SLC25A36: variants seen among roughly 807,000 people sequenced by gnomAD.
SLC25A36 encodes epididymis secretory sperm binding protein.
A neutral mutation model predicts 35.3 loss-of-function variants in SLC25A36; 24 were observed. The observed-to-expected ratio is 0.68, with a 90% CI of 0.49 to 0.96. The LOEUF is 0.96. Among genes scored for constraint, SLC25A36 ranks in the 40% least tolerant of loss-of-function variants. The pLI is 0.00. For missense variants in SLC25A36, 294 were observed against 381.1 expected, an observed-to-expected ratio of 0.77 and a Z score of 1.90; for synonymous variants, 141 against 132.2, an observed-to-expected ratio of 1.07 and a Z score of -0.46.
chr3:140,980,575 G>C lies in SLC25A36; in HGVS notation c.*4122G>C, dbSNP rs1935156944. ...AAGTTGTGTGTGTGTGTTTATTACT[G>C]AACATTGGGAGCCGTGATAGGGAAG... On this transcript the variant is annotated 3_prime_UTR_variant, in exon 7 of 7. Transcript: ENST00000324194. 6.6e-6 allele frequency among the ~76,000 whole-genome samples: 1 copy of C among 152,074 alleles called. No homozygotes were observed. The highest frequency in any genetic ancestry group is 6.5e-5 in the Admixed American group (1 of 15,268).
intron 3 of SLC25A36, among the ~76,000 whole-genome samples, chr3:140,961,855 CAAAAAAAAAAAAA>C (rs553759457): frequency 5.3e-4 from 19 of 35,840 alleles, no homozygotes; most frequent in East Asian, 2.0e-3. Flanking sequence ...GGCTCCGTCT[CAAAAAAAAAAAAA>C]AAAAAAAAAA....
At chr3:140,947,286 GT>G in intron 1 of SLC25A36, among the ~76,000 whole-genome samples, 1 of 152,074 alleles carries the variant, frequency 6.6e-6, no homozygotes, top group Non-Finnish European at 1.5e-5. Flanking sequence ...CAGTTTTAAG[GT>G]TTGCTGTAAA....
chr3:140,962,358 TAATTC>T (rs1347558397), intron 3 of SLC25A36, among the ~76,000 whole-genome samples: 1 of 152,154 alleles, frequency 6.6e-6, no homozygotes, highest in East Asian at 1.9e-4. Flanking sequence ...AGCAAGCAAA[TAATTC>T]AAAGCATGGG....
chr3:140,946,666 A>G (rs1198822452), intron 1 of SLC25A36, among the ~76,000 whole-genome samples: 1 of 152,198 alleles, frequency 6.6e-6, no homozygotes, highest in East Asian at 1.9e-4. Flanking sequence ...AGCGAAGAAT[A>G]ACTCCAGGGT....
intron 1 of SLC25A36, among the ~76,000 whole-genome samples, chr3:140,950,883 C>CGT (rs531377561): frequency 0.016 from 2,363 of 144,126 alleles, 74 homozygotes; most frequent in African/African-American, 0.062. Context: ...TTTTATCCAG[C>CGT]GTGTGTGTGT....
At chr3:140,958,145 C>G (rs899258208) in intron 2 of SLC25A36, among the ~76,000 whole-genome samples, 5 of 152,166 alleles carry the variant, frequency 3.3e-5, no homozygotes, top group Non-Finnish European at 7.3e-5. Context: ...AGTCTGGCTA[C>G]TCAGTTCAGG....
At chr3:140,963,325 G>A (rs1934678927) in intron 4 of SLC25A36, 98 bp downstream of exon 4, 16 of 737,472 alleles carry the variant, frequency 2.2e-5, no homozygotes, top group Non-Finnish European at 2.8e-5. Context: ...TGATTAATGT[G>A]CTTTTCATTG....
intron 2 of SLC25A36, 102 bp downstream of exon 2, chr3:140,956,793 A>G (rs1934491952): frequency 6.9e-7 from 1 of 1,442,304 alleles, no homozygotes; most frequent in African/African-American, 1.4e-5. Flanking sequence ...GATTTTTTAT[A>G]AACCTATTTA....
At chr3:140,969,100 G>A (rs1329546755) in intron 4 of SLC25A36, among the ~76,000 whole-genome samples, 1 of 151,718 alleles carries the variant, frequency 6.6e-6, no homozygotes, top group Non-Finnish European at 1.5e-5. Flanking sequence ...ATTGGAGTTT[G>A]ACCAGAATAT....
chr3:140,958,269 C>T (rs1465669253), intron 2 of SLC25A36, among the ~76,000 whole-genome samples: 1 of 152,192 alleles, frequency 6.6e-6, no homozygotes, highest in African/African-American at 2.4e-5. Flanking sequence ...ACCTACTCTT[C>T]AGTTTCTATT....
At chr3:140,972,123 T>C (rs1333237505) in intron 5 of SLC25A36, among the ~76,000 whole-genome samples, 1 of 152,222 alleles carries the variant, frequency 6.6e-6, no homozygotes, top group African/African-American at 2.4e-5. Context: ...TAAGACTTAT[T>C]CCAAAGATTA....
Position 140,979,242 on chromosome 3 carries a change from C to T in SLC25A36, c.*2789C>T, listed in dbSNP as rs1165629848. Reference sequence around the variant, plus strand: ...GATAGCATTACTATGTTAGGACCAGCAGAGTTTGGGTTGGTAAAAATAATG... The same window carrying T: ...GATAGCATTACTATGTTAGGACCAGTAGAGTTTGGGTTGGTAAAAATAATG... On this transcript the variant is annotated 3_prime_UTR_variant, in exon 7 of 7. Coordinates refer to ENST00000324194, the MANE Select transcript of SLC25A36 (RefSeq NM_001104647.3). The T allele has an allele frequency of 6.6e-6, 1 of 152,134 alleles. No homozygotes were observed. Among genetic ancestry groups the T allele is most frequent in the African/African-American group, 2.4e-5 (1 of 41,440 alleles). 9.4% of individuals were successfully genotyped at this position (152,134 alleles called of 1,614,324 possible).
chr3:140,959,479 G>T lies in SLC25A36; in HGVS notation c.223G>T (p.Glu75Ter). Residue 75 changes from glutamate (E) to a stop codon, truncating the protein, a stop_gained, in exon 3 of 7, where the codon GAA becomes TAA. Coordinates refer to ENST00000324194, the MANE Select transcript of SLC25A36 (RefSeq NM_001104647.3). LOFTEE classifies it high-confidence loss of function. Reference protein sequence around the residue: ...LHCLKVILEKEGPRSLFRGLG... With the variant: ...LHCLKVILEK ...CTCTTTCAGGGTGATCTTGGAAAAA[G>T]AAGGGCCTCGTTCCTTGTTTAGAGG... The T allele has an allele frequency of 6.6e-7, 1 of 1,522,422 alleles. No individual in the cohort carries two copies. The highest frequency in any genetic ancestry group is 8.7e-7 in the Non-Finnish European group (1 of 1,143,216). 94.3% of individuals were successfully genotyped at this position (1,522,422 alleles called of 1,614,324 possible).
At chr3:140,953,321 G>A (rs1365518347) in intron 1 of SLC25A36, among the ~76,000 whole-genome samples, 2 of 150,036 alleles carry the variant, frequency 1.3e-5, no homozygotes, top group East Asian at 4.0e-4. Context: ...TTTTGTTTCA[G>A]ATTTGCTATA....
intron 5 of SLC25A36, 140 bp downstream of exon 5, chr3:140,971,133 G>T: frequency 1.8e-6 from 1 of 543,228 alleles, no homozygotes. Context: ...TCAGAAAAAA[G>T]ATAATGTAAG....
chr3:140,966,901 G>A (rs1298204356), intron 4 of SLC25A36: 1 of 456,080 alleles, frequency 2.2e-6, no homozygotes, highest in South Asian at 1.5e-5. Flanking sequence ...ACTGCTTGTT[G>A]TTATGATACA....
At chr3:140,946,923 G>C (rs1934181455) in intron 1 of SLC25A36, among the ~76,000 whole-genome samples, 1 of 152,120 alleles carries the variant, frequency 6.6e-6, no homozygotes, top group South Asian at 2.1e-4. Context: ...CATGAGCCTA[G>C]TTGAGATCAC....
chr3:140,941,977 G>A lies in SLC25A36; in HGVS notation c.-78G>A. 3 of 807,564 alleles carry A rather than the reference G, an allele frequency of 3.7e-6. No individual in the cohort carries two copies. The highest frequency in any genetic ancestry group is 2.2e-5 in the Admixed American group (1 of 44,660). The allele number at this position is 807,564 out of a possible 1,614,324, so 50.0% of individuals were successfully genotyped here. A position where few individuals can be genotyped will look rare whatever the true frequency, so the allele number is the denominator to read the frequency against. On this transcript the variant is annotated 5_prime_UTR_variant, in exon 1 of 7. Coordinates refer to ENST00000324194, the MANE Select transcript of SLC25A36 (RefSeq NM_001104647.3). ...CCGGGGCGCTGTGCGTCTCCAGTCCGGGACCGAAGCCGCCTGCCGTAGCGG... is the reference window on the plus strand; with the variant it reads ...CCGGGGCGCTGTGCGTCTCCAGTCCAGGACCGAAGCCGCCTGCCGTAGCGG...
chr3:140,945,104 A>C (rs986805405), intron 1 of SLC25A36, among the ~76,000 whole-genome samples: 8 of 152,204 alleles, frequency 5.3e-5, no homozygotes, highest in African/African-American at 1.9e-4. Context: ...GAAGTTCAAA[A>C]TTAAAGCAGT....
Sources: gnomAD v4.1 joint callset for allele counts (sites outside exome capture counted in the v4.1 genomes callset) on GRCh38, gnomAD v4.1.1 for gene constraint, MANE v1.5 for transcripts, NCBI Gene and HGNC (gene_info 2026-07-23, HGNC 2026-07-21) for gene names.